Variants in HDAC9 observed in about 807,000 individuals in gnomAD.
HDAC9 encodes histone deacetylase 9.
In HDAC9, 41 loss-of-function variants were observed where a neutral mutation model predicts 139.4. That is an observed-to-expected ratio of 0.29 (90% CI 0.23 to 0.38). The LOEUF is 0.38. Ranked by LOEUF, HDAC9 falls within the 10% of genes least tolerant of loss-of-function variation. HDAC9 has a pLI of 1.00. For missense variants in HDAC9, 1,147 were observed against 1,297.0 expected (o/e 0.88, Z 1.78); for synonymous variants, 517 against 476.2 (o/e 1.09, Z -1.12).
intron 16 of HDAC9, among the ~76,000 whole-genome samples, chr7:18,791,768 G>T (rs1404894104): frequency 2.6e-5 from 4 of 152,132 alleles, no homozygotes; most frequent in Non-Finnish European, 1.5e-5. Flanking sequence ...CAATCAACAC[G>T]TAGGCCTCTA....
At chr7:18,920,177 A>C (rs1032181553) in intron 22 of HDAC9, among the ~76,000 whole-genome samples, 24 of 152,126 alleles carry the variant, frequency 1.6e-4, no homozygotes, top group Admixed American at 5.9e-4. Context: ...TTTCCTTGAA[A>C]AGTGGTTTGT....
rs143951960 is a variant in HDAC9 at position 18,956,316 on chromosome 7, C to T, written c.3022+2086C>T. On this transcript the variant is annotated intron_variant, in intron 24 of 25. Transcript: ENST00000686413. ...TCAAGACCAATATGTGTTGGTTCAG[C>T]GGTATATTTATTTTCGATGTTTCTC... 2.6e-3 allele frequency among the ~76,000 whole-genome samples: 388 copies of T among 152,090 alleles called. 2 individuals carry two copies. The highest frequency in any genetic ancestry group is 4.7e-3 in the Non-Finnish European group (320 of 68,010).
At chr7:18,468,278 C>T (rs952118989) in intron 1 of HDAC9, among the ~76,000 whole-genome samples, 5 of 152,170 alleles carry the variant, frequency 3.3e-5, no homozygotes, top group Admixed American at 6.6e-5. Context: ...TAGAATTCTT[C>T]TGTATGGGAG....
At chr7:18,831,726 G>C (rs1043094846) in intron 19 of HDAC9, among the ~76,000 whole-genome samples, 1 of 151,814 alleles carries the variant, frequency 6.6e-6, no homozygotes, top group Non-Finnish European at 1.5e-5. Flanking sequence ...TGAGACATCC[G>C]TTCTCCCTGG....
chr7:18,931,789 C>G (rs1195464460), intron 22 of HDAC9, among the ~76,000 whole-genome samples: 1 of 152,078 alleles, frequency 6.6e-6, no homozygotes, highest in East Asian at 1.9e-4. Flanking sequence ...ATTTTCTTTT[C>G]AAACTAAAGA....
intron 12 of HDAC9, among the ~76,000 whole-genome samples, chr7:18,695,643 G>A (rs1380184427): frequency 6.6e-6 from 1 of 152,140 alleles, no homozygotes; most frequent in African/African-American, 2.4e-5. Flanking sequence ...CTTGATGTCA[G>A]GTTTGTGTTC....
intron 16 of HDAC9, among the ~76,000 whole-genome samples, chr7:18,786,611 T>TCCC (rs1562940698): frequency 2.8e-5 from 1 of 35,254 alleles, no homozygotes; most frequent in Non-Finnish European, 8.1e-5. Context: ...CCTTCCTTCC[T>TCCC]TCCTTCCCTC....
chr7:18,444,850 A>G (rs1038533422), intron 1 of HDAC9, among the ~76,000 whole-genome samples: 1 of 152,218 alleles, frequency 6.6e-6, no homozygotes, highest in Admixed American at 6.5e-5. Flanking sequence ...ATCAAGTACC[A>G]TTACCATCAA....
At chr7:18,392,130 A>G (rs1786544173) in intron 1 of HDAC9, among the ~76,000 whole-genome samples, 1 of 152,134 alleles carries the variant, frequency 6.6e-6, no homozygotes, top group Non-Finnish European at 1.5e-5. Flanking sequence ...ACCATTTACA[A>G]GTTGTATTAC....
chr7:18,383,271 G>C (rs78762512), intron 1 of HDAC9, among the ~76,000 whole-genome samples: 67 of 152,316 alleles, frequency 4.4e-4, no homozygotes, highest in East Asian at 2.3e-3. Context: ...TGGCACATTT[G>C]TGGCACAGTT....
At chr7:18,442,138 C>G (rs1393989769) in intron 1 of HDAC9, among the ~76,000 whole-genome samples, 1 of 152,004 alleles carries the variant, frequency 6.6e-6, no homozygotes, top group Non-Finnish European at 1.5e-5. Context: ...TTTTCAATTC[C>G]CAATGCAGGG....
rs1837854389 is a variant in HDAC9, at chr7:18,613,860, A to C, written c.665-15490A>C. ...TCTGTGGCTTTTGACCCCATTGTCC[A>C]ACCCATGCTCCTTAAAATTTTAACC... On this transcript the variant is annotated intron_variant, in intron 6 of 25. Transcript: ENST00000686413. Among the ~76,000 whole-genome samples the C allele has an allele frequency of 3.9e-5, 6 of 152,164 alleles. No homozygotes were observed. In the South Asian group the frequency reaches 8.3e-4, roughly 21 times the overall value.
At position 18,765,403 on chromosome 7, in the gene HDAC9, C is replaced by T. The variant is rs140711014; in HGVS notation, c.2165-1703C>T. ...TTGGGAGGCCGAGACAGGAGGATCACGAGGTCAGGAGATGGAGACCAGGCT... is the reference window on the plus strand; with the variant it reads ...TTGGGAGGCCGAGACAGGAGGATCATGAGGTCAGGAGATGGAGACCAGGCT... On this transcript the variant is annotated intron_variant, in intron 15 of 25. Coordinates refer to ENST00000686413, the MANE Select transcript of HDAC9 (RefSeq NM_178425.4). Among the ~76,000 whole-genome samples the T allele has an allele frequency of 5.5e-3, 833 of 152,050 alleles. 6 individuals are homozygous for T. Among genetic ancestry groups the T allele is most frequent in the African/African-American group, 0.019 (783 of 41,488 alleles).
intron 1 of HDAC9, among the ~76,000 whole-genome samples, chr7:18,299,176 T>G (rs1798359447): frequency 6.6e-6 from 1 of 152,104 alleles, no homozygotes; most frequent in Non-Finnish European, 1.5e-5. Context: ...TTTTAAAAAT[T>G]TATTTTAAAA....
At chr7:18,505,220 G>A (rs137976200) in intron 2 of HDAC9, among the ~76,000 whole-genome samples, 2 of 152,208 alleles carry the variant, frequency 1.3e-5, no homozygotes, top group Non-Finnish European at 2.9e-5. Flanking sequence ...ATGATACACA[G>A]ATCATGAGGG....
chr7:18,601,263 CA>C (rs1833866723), intron 6 of HDAC9, among the ~76,000 whole-genome samples: 2 of 152,088 alleles, frequency 1.3e-5, no homozygotes, highest in African/African-American at 4.8e-5. Flanking sequence ...ATTTCAAATT[CA>C]AATGGTTCAT....
chr7:18,140,133 G>A (rs1305140730), intron 1 of HDAC9, among the ~76,000 whole-genome samples: 1 of 152,136 alleles, frequency 6.6e-6, no homozygotes, highest in Non-Finnish European at 1.5e-5. Context: ...CCCAAAGCCA[G>A]GGTACTCATT....
intron 16 of HDAC9, among the ~76,000 whole-genome samples, chr7:18,771,574 C>T (rs1790297219): frequency 6.6e-6 from 1 of 150,792 alleles, no homozygotes; most frequent in African/African-American, 2.4e-5. Context: ...TTTATATATA[C>T]AAGAAACATT....
intron 2 of HDAC9, among the ~76,000 whole-genome samples, chr7:18,576,228 G>C (rs1428862935): frequency 1.3e-5 from 2 of 152,152 alleles, no homozygotes; most frequent in East Asian, 3.9e-4. Flanking sequence ...GAAATATACA[G>C]AGAAAGCACA....
Sources: gnomAD v4.1 joint callset for allele counts (sites outside exome capture counted in the v4.1 genomes callset) on GRCh38, gnomAD v4.1.1 for gene constraint, MANE v1.5 for transcripts, NCBI Gene and HGNC (gene_info 2026-07-23, HGNC 2026-07-21) for gene names.